Variants in ACOT7 observed in about 807,000 individuals in gnomAD.
ACOT7 encodes the protein cytosolic acyl coenzyme A thioester hydrolase.
In ACOT7, 12 loss-of-function variants were observed where a neutral mutation model predicts 40.2. That is an observed-to-expected ratio of 0.30 (90% CI 0.19 to 0.48). The LOEUF is 0.48. Among genes scored for constraint, ACOT7 ranks in the 20% least tolerant of loss-of-function variants. The pLI is 0.99. For missense variants in ACOT7, 395 were observed against 530.8 expected, an observed-to-expected ratio of 0.74 and a Z score of 2.51; for synonymous variants, 228 against 219.5, an observed-to-expected ratio of 1.04 and a Z score of -0.34.
At chr1:6,303,228 G>A (rs1292951269) in intron 6 of ACOT7, among the ~76,000 whole-genome samples, 3 of 152,132 alleles carry the variant, frequency 2.0e-5, no homozygotes, top group East Asian at 1.9e-4. Context: ...ACAGTCCACC[G>A]CAGGCAGTCC....
intron 3 of ACOT7, among the ~76,000 whole-genome samples, chr1:6,335,180 A>G (rs1423696069): frequency 6.6e-6 from 1 of 151,716 alleles, no homozygotes; most frequent in Non-Finnish European, 1.5e-5. Context: ...AAAATACAAA[A>G]ATTAGCCGGG....
At chr1:6,365,549 C>T (rs550654147) in intron 1 of ACOT7, among the ~76,000 whole-genome samples, 95 of 152,210 alleles carry the variant, frequency 6.2e-4, no homozygotes, top group Non-Finnish European at 1.1e-3. Flanking sequence ...GTGGGTGGAT[C>T]ACAAGGTCAG....
intron 4 of ACOT7, among the ~76,000 whole-genome samples, chr1:6,328,881 C>T (rs975014165): frequency 3.3e-5 from 5 of 152,182 alleles, no homozygotes; most frequent in Admixed American, 6.5e-5. Context: ...GTGTGCTGGC[C>T]GCAGGCTGGT....
chr1:6,368,375 A>G (rs1169069993), intron 1 of ACOT7, among the ~76,000 whole-genome samples: 1 of 152,142 alleles, frequency 6.6e-6, no homozygotes. Flanking sequence ...CCAGGTCCCC[A>G]AAGTGAATGC....
At chr1:6,319,457 T>G (rs1232583944) in intron 5 of ACOT7, among the ~76,000 whole-genome samples, 1 of 152,204 alleles carries the variant, frequency 6.6e-6, no homozygotes, top group Non-Finnish European at 1.5e-5. Context: ...CCTCCCAAAG[T>G]GTTAGGATTA....
chr1:6,285,074 C>T (rs3789504), intron 7 of ACOT7, among the ~76,000 whole-genome samples: 40,157 of 152,076 alleles, frequency 0.26, 7,412 homozygotes, highest in African/African-American at 0.53. Flanking sequence ...TCTGTCTGTC[C>T]CCATCTAGCC....
chr1:6,393,203 G>C lies in ACOT7; in HGVS notation c.143+54C>G, dbSNP rs1436754358. ...CACAGAGCCAAGCGGGGCAGGCCTG[G>C]GGCGGTGACCGGCGCGCCTGGCCGC... On this transcript the variant is annotated intron_variant, in intron 1 of 8. Transcript: ENST00000361521. 1.2e-5 allele frequency: 15 copies of C among 1,239,790 alleles called. No homozygotes were observed. In the African/African-American group the frequency reaches 1.2e-4, roughly 10 times the overall value. The allele number at this position is 1,239,790 out of a possible 1,614,324, so 76.8% of individuals were successfully genotyped here.
At chr1:6,366,627 G>C (rs2148470394) in intron 1 of ACOT7, among the ~76,000 whole-genome samples, 1 of 149,958 alleles carries the variant, frequency 6.7e-6, no homozygotes, top group South Asian at 2.1e-4. Flanking sequence ...AGCATGCAAT[G>C]TTTGATAGCA....
At position 6,306,396 on chromosome 1, in the gene ACOT7, G is replaced by A. The variant is rs1294383704; in HGVS notation, c.713-11416C>T. The A allele has an allele frequency of 4.1e-6, 4 of 985,266 alleles. No individual in the cohort carries two copies. The highest frequency in any genetic ancestry group is 4.7e-5 in the South Asian group (1 of 21,278). 61.0% of individuals were successfully genotyped at this position (985,266 alleles called of 1,614,324 possible). A position where few individuals can be genotyped will look rare whatever the true frequency, so the allele number is the denominator to read the frequency against. On this transcript the variant is annotated intron_variant, in intron 6 of 8. Coordinates refer to ENST00000361521, the MANE Select transcript of ACOT7 (RefSeq NM_007274.4). The surrounding 1 kb of genome is among the most constrained non-coding windows in gnomAD (Gnocchi z 4.3). ...AGGACAAAGTGAGTTCCTGGGACAG[G>A]TGCCTATAGGATGCTTGGACTGGAG...
intron 1 of ACOT7, among the ~76,000 whole-genome samples, chr1:6,363,149 G>C (rs1641926638): frequency 6.6e-6 from 1 of 152,178 alleles, no homozygotes; most frequent in African/African-American, 2.4e-5. Flanking sequence ...AGGCTATACA[G>C]AGATGGGAGC....
intron 6 of ACOT7, among the ~76,000 whole-genome samples, chr1:6,316,228 C>T (rs1292639777): frequency 6.6e-6 from 1 of 152,130 alleles, no homozygotes; most frequent in African/African-American, 2.4e-5. Flanking sequence ...GATGGCCAGG[C>T]TCGGAAGAGG....
chr1:6,379,087 G>A (rs1211972317), intron 1 of ACOT7, among the ~76,000 whole-genome samples: 2 of 151,722 alleles, frequency 1.3e-5, no homozygotes, highest in Non-Finnish European at 2.9e-5. Context: ...AGTAGAGAGG[G>A]GTTTCACCGT....
intron 6 of ACOT7, among the ~76,000 whole-genome samples, chr1:6,316,704 G>C (rs888777357): frequency 3.9e-5 from 6 of 152,284 alleles, no homozygotes; most frequent in African/African-American, 1.4e-4. Context: ...CAGCTACTTG[G>C]GAAGCTGAAG....
At chr1:6,347,530 C>T (rs1053521657) in intron 2 of ACOT7, among the ~76,000 whole-genome samples, 1 of 152,084 alleles carries the variant, frequency 6.6e-6, no homozygotes, top group Admixed American at 6.6e-5. Context: ...TTTGTGAGGC[C>T]GACGTGGGCA....
intron 6 of ACOT7, among the ~76,000 whole-genome samples, chr1:6,313,737 C>T (rs556684318): frequency 6.6e-6 from 1 of 152,182 alleles, no homozygotes; most frequent in Non-Finnish European, 1.5e-5. Flanking sequence ...AGCCACAGGG[C>T]AGCAGAAGCC....
intron 8 of ACOT7, among the ~76,000 whole-genome samples, chr1:6,277,793 A>T (rs962129102): frequency 6.6e-6 from 1 of 152,190 alleles, no homozygotes; most frequent in East Asian, 1.9e-4. Context: ...CCTGGACACC[A>T]TTCAACTTCC....
At chr1:6,378,870 A>G (rs889821985) in intron 1 of ACOT7, among the ~76,000 whole-genome samples, 1 of 151,702 alleles carries the variant, frequency 6.6e-6, no homozygotes, top group African/African-American at 2.4e-5. Context: ...TAATGTCCCT[A>G]GAGTCCTAGT....
At chr1:6,387,586 AG>A (rs145926086) in intron 1 of ACOT7, among the ~76,000 whole-genome samples, 1 of 152,158 alleles carries the variant, frequency 6.6e-6, no homozygotes, top group Non-Finnish European at 1.5e-5. Context: ...TGAGAGGCCA[AG>A]GGGTGGGATG....
chr1:6,361,370 G>A (rs567118456), intron 1 of ACOT7, among the ~76,000 whole-genome samples: 17 of 152,306 alleles, frequency 1.1e-4, no homozygotes, highest in Admixed American at 4.6e-4. Context: ...GGTTAATTCC[G>A]GGGGTGATGA....
Sources: gnomAD v4.1 joint callset for allele counts (sites outside exome capture counted in the v4.1 genomes callset) on GRCh38, gnomAD v4.1.1 for gene constraint, Gnocchi (gnomAD v3.1) non-coding constraint, MANE v1.5 for transcripts, NCBI Gene and HGNC (gene_info 2026-07-23, HGNC 2026-07-21) for gene names.